GLP1R: variants seen among roughly 807,000 people sequenced by gnomAD.
GLP1R encodes glucagon-like peptide 1 receptor.
Under a neutral mutation model 68.4 loss-of-function variants are expected in GLP1R, and 32 were observed. The ratio of observed to expected loss-of-function variants is 0.47; its 90% CI spans 0.35 to 0.63. The LOEUF (loss-of-function observed/expected upper bound fraction) is 0.63. GLP1R is among the 20% of genes least tolerant of loss of function. The pLI is 0.00. For missense variants in GLP1R, 502 were observed against 594.9 expected, an observed-to-expected ratio of 0.84 and a Z score of 1.62; for synonymous variants, 263 against 244.4, an observed-to-expected ratio of 1.08 and a Z score of -0.71.
chr6:39,050,065 T>A (rs778968475), intron 1 of GLP1R, among the ~76,000 whole-genome samples: 9 of 152,166 alleles, frequency 5.9e-5, no homozygotes, highest in Non-Finnish European at 1.2e-4. Context: ...ACCTCTCAGC[T>A]AAGATGCCAG....
chr6:39,059,952 G>A (rs574679435), intron 3 of GLP1R, among the ~76,000 whole-genome samples: 1 of 152,210 alleles, frequency 6.6e-6, no homozygotes, highest in Non-Finnish European at 1.5e-5. Context: ...TGAAGATAAC[G>A]GCCACTGCAC....
intron 5 of GLP1R, among the ~76,000 whole-genome samples, chr6:39,070,204 T>A (rs1768622975): frequency 6.6e-6 from 1 of 152,258 alleles, no homozygotes. Context: ...TTATCATGAA[T>A]TTTGGAGGAA....
intron 3 of GLP1R, among the ~76,000 whole-genome samples, chr6:39,062,002 T>C (rs915068521): frequency 2.0e-5 from 3 of 152,136 alleles, no homozygotes; most frequent in Non-Finnish European, 2.9e-5. Flanking sequence ...CTTCTGCATC[T>C]GTAAAATGGG....
chr6:39,050,549 TG>T (rs1412557182), intron 1 of GLP1R, among the ~76,000 whole-genome samples: 1 of 151,732 alleles, frequency 6.6e-6, no homozygotes, highest in African/African-American at 2.4e-5. Context: ...ATAACAGGAT[TG>T]GGGTGGTAGA....
chr6:39,058,200 C>A (rs910054976), intron 3 of GLP1R, among the ~76,000 whole-genome samples: 2 of 152,114 alleles, frequency 1.3e-5, no homozygotes, highest in African/African-American at 2.4e-5. Flanking sequence ...CAGACTCTTG[C>A]GGGGAGGGAA....
At position 39,065,754 on chromosome 6, in the gene GLP1R, C is replaced by T. The variant is rs146487412; in HGVS notation, c.327C>T (p.Leu109=). Residue 109 remains leucine (L), a synonymous_variant, in exon 4 of 13, where the codon CTC becomes CTT. Coordinates refer to ENST00000373256, the MANE Select transcript of GLP1R (RefSeq NM_002062.5). The stretch of plus-strand genomic sequence containing the variant: ...ACCGGTTCTGCACAGCTGAAGGCCT[C>T]TGGCTGCAGAAGGACAACTCCAGCC... The part of the protein sequence containing the change: ...HVYRFCTAEG[L]WLQKDNSSLP... 1.7e-3 allele frequency: 2,703 copies of T among 1,583,028 alleles called. 45 individuals carry two copies. In the African/African-American group the frequency reaches 0.031, roughly 18 times the overall value.
chr6:39,085,132 C>T (rs993954276), intron 12 of GLP1R, among the ~76,000 whole-genome samples: 1 of 152,130 alleles, frequency 6.6e-6, no homozygotes, highest in Non-Finnish European at 1.5e-5. Context: ...TTGCCACAAA[C>T]CCTCAAGGGA....
chr6:39,065,083 CA>C (rs1768467681), intron 3 of GLP1R, among the ~76,000 whole-genome samples: 1 of 152,166 alleles, frequency 6.6e-6, no homozygotes, highest in Admixed American at 6.5e-5. Flanking sequence ...CCTTTTAGAC[CA>C]GGGGGTCCTT....
chr6:39,052,436 G>C (rs755467200), intron 1 of GLP1R, among the ~76,000 whole-genome samples: 2 of 152,140 alleles, frequency 1.3e-5, no homozygotes. Flanking sequence ...CCAGAAATTT[G>C]AGTTGGAATC....
intron 3 of GLP1R, among the ~76,000 whole-genome samples, chr6:39,060,867 T>C (rs188677661): frequency 4.6e-5 from 7 of 152,040 alleles, no homozygotes; most frequent in Admixed American, 1.3e-4. Context: ...AGTGTGTGCA[T>C]TGGGGAGAAG....
rs1768033431 is a variant in GLP1R at position 39,049,324 on chromosome 6, AC to A, written c.78+409del. Among the ~76,000 whole-genome samples the A allele has an allele frequency of 1.3e-5, 2 of 151,990 alleles. No individual in the cohort carries two copies. On this transcript the variant is annotated intron_variant, in intron 1 of 12. Coordinates refer to ENST00000373256, the MANE Select transcript of GLP1R (RefSeq NM_002062.5). The surrounding 1 kb of genome is among the most constrained non-coding windows in gnomAD (Gnocchi z 4.5). ...CGGACTCCCTCTGCCCCACAGTCTG[AC>A]CCAGACCCCTCTCCCGCAGTGCCTC...
rs1368620722 is a variant in GLP1R, at chr6:39,053,566, C to T, written c.79-2831C>T. On this transcript the variant is annotated intron_variant, in intron 1 of 12. Coordinates refer to ENST00000373256, the MANE Select transcript of GLP1R (RefSeq NM_002062.5). ...TAAACAGTAGAAATCATGGGGATTG[C>T]TGCCATTGACTGAGCCTTCTCCATG... is the stretch of plus-strand genomic sequence containing the variant. 2.6e-5 allele frequency among the ~76,000 whole-genome samples: 4 copies of T among 152,192 alleles called. No homozygotes were observed. The East Asian group carries it at 5.8e-4, about 22-fold the overall frequency.
At chr6:39,065,680 T>C in intron 3 of GLP1R, 31 bp from the exon 4 acceptor site, 1 of 1,429,104 alleles carries the variant, frequency 7.0e-7, no homozygotes, top group Non-Finnish European at 9.7e-7. Flanking sequence ...TATTCTGGGC[T>C]GAGGCTCAGG....
At chr6:39,050,913 G>C (rs981646412) in intron 1 of GLP1R, among the ~76,000 whole-genome samples, 2 of 152,048 alleles carry the variant, frequency 1.3e-5, no homozygotes, top group African/African-American at 4.8e-5. Flanking sequence ...TACTCAGACG[G>C]GACTGAAGGG....
intron 3 of GLP1R, 135 bp downstream of exon 3, chr6:39,057,714 G>A (rs944256448): frequency 2.8e-4 from 172 of 609,100 alleles, no homozygotes; most frequent in Non-Finnish European, 4.3e-4. Flanking sequence ...CAGCAGTGGT[G>A]AGCCCCCTCC....
intron 5 of GLP1R, among the ~76,000 whole-genome samples, chr6:39,070,938 A>G (rs1352196537): frequency 1.3e-5 from 2 of 152,142 alleles, no homozygotes; most frequent in Non-Finnish European, 2.9e-5. Flanking sequence ...TCAATTTAGT[A>G]TTGATAAATA....
rs1768043011 is a variant in GLP1R at position 39,049,752 on chromosome 6, C to T, written c.78+834C>T. ...AGGTGGACCACCGCAGCCCCTCTCT[C>T]TTGCCCTTGTTGCTTTTCCTGCCCT... On this transcript the variant is annotated intron_variant, in intron 1 of 12. Coordinates refer to ENST00000373256, the MANE Select transcript of GLP1R (RefSeq NM_002062.5). This position sits in a 1 kb window ranked among gnomAD's most constrained non-coding sequence, Gnocchi z 4.5. Among the ~76,000 whole-genome samples, 1 of 152,214 alleles carries T rather than the reference C, an allele frequency of 6.6e-6. No individual in the cohort carries two copies. Among genetic ancestry groups the T allele is most frequent in the African/African-American group, 2.4e-5 (1 of 41,446 alleles).
rs780348135 is a variant in GLP1R, at chr6:39,057,591, C to T, written c.283+12C>T. Reference sequence around the variant, plus strand: ...CTGGGCCAGCAGTGGTGAGCCCCCTCCCCGACCTGGTACCTGCCCTGGGCC... The same window carrying T: ...CTGGGCCAGCAGTGGTGAGCCCCCTTCCCGACCTGGTACCTGCCCTGGGCC... On this transcript the variant is annotated intron_variant, in intron 3 of 12. Coordinates refer to ENST00000373256, the MANE Select transcript of GLP1R (RefSeq NM_002062.5). 5 of 1,501,628 alleles carry T rather than the reference C, an allele frequency of 3.3e-6. No individual in the cohort carries two copies. Among genetic ancestry groups the T allele is most frequent in the Non-Finnish European group, 4.6e-6 (5 of 1,095,136 alleles). The allele number at this position is 1,501,628 out of a possible 1,614,324, so 93.0% of individuals were successfully genotyped here. A position where few individuals can be genotyped will look rare whatever the true frequency, so the allele number is the denominator to read the frequency against.
intron 5 of GLP1R, among the ~76,000 whole-genome samples, chr6:39,069,987 C>T (rs1014376908): frequency 6.6e-6 from 1 of 152,172 alleles, no homozygotes; most frequent in African/African-American, 2.4e-5. Context: ...GAGATGGTGT[C>T]TTCTCACTGT....
Sources: gnomAD v4.1 joint callset for allele counts (sites outside exome capture counted in the v4.1 genomes callset) on GRCh38, gnomAD v4.1.1 for gene constraint, Gnocchi (gnomAD v3.1) non-coding constraint, MANE v1.5 for transcripts, NCBI Gene and HGNC (gene_info 2026-07-23, HGNC 2026-07-21) for gene names.